The following PITPNC1 variants were observed in gnomAD, a reference collection of about 807,000 sequenced individuals.
PITPNC1 encodes the protein phosphatidylinositol transfer protein cytoplasmic 1, also known as cytoplasmic phosphatidylinositol transfer protein 1.
PITPNC1 carries 18 observed loss-of-function variants against 44.7 expected under a neutral mutation model. The observed-to-expected ratio is 0.40, with a 90% CI of 0.28 to 0.60. PITPNC1 has a LOEUF of 0.60. Among genes scored for constraint, PITPNC1 ranks in the 20% least tolerant of loss-of-function variants. PITPNC1 has a pLI of 0.39. For missense variants in PITPNC1, 290 were observed against 418.4 expected, an observed-to-expected ratio of 0.69 and a Z score of 2.68; for synonymous variants, 141 against 149.6, an observed-to-expected ratio of 0.94 and a Z score of 0.42.
At chr17:67,668,646 G>A (rs1159325469) in intron 6 of PITPNC1, among the ~76,000 whole-genome samples, 8 of 152,060 alleles carry the variant, frequency 5.3e-5, no homozygotes, top group East Asian at 3.9e-4. Context: ...GGCAGATCAC[G>A]AGGTCAGGAG....
intron 1 of PITPNC1, among the ~76,000 whole-genome samples, chr17:67,417,496 A>G (rs970210042): frequency 6.6e-6 from 1 of 152,100 alleles, no homozygotes; most frequent in Non-Finnish European, 1.5e-5. Context: ...GGCAGAGGTA[A>G]TTTAACCTAC....
At chr17:67,380,678 C>T (rs550080268) in intron 1 of PITPNC1, among the ~76,000 whole-genome samples, 1 of 152,172 alleles carries the variant, frequency 6.6e-6, no homozygotes, top group Non-Finnish European at 1.5e-5. Flanking sequence ...CAGTCTCCAC[C>T]ATCCCCTTTT....
intron 1 of PITPNC1, among the ~76,000 whole-genome samples, chr17:67,409,374 G>A (rs1275040672): frequency 1.3e-5 from 2 of 151,916 alleles, no homozygotes; most frequent in Non-Finnish European, 2.9e-5. Flanking sequence ...GTGAGCCACC[G>A]CGCCCGGCCC....
At chr17:67,408,965 T>G (rs1051234488) in intron 1 of PITPNC1, 2 of 152,072 alleles carry the variant, frequency 1.3e-5, no homozygotes, top group African/African-American at 4.8e-5. Flanking sequence ...GATTTATGCC[T>G]ATGTTTTCTT....
intron 2 of PITPNC1, among the ~76,000 whole-genome samples, chr17:67,551,438 A>G (rs898440865): frequency 6.6e-6 from 1 of 152,172 alleles, no homozygotes; most frequent in African/African-American, 2.4e-5. Flanking sequence ...GGAAACTGAG[A>G]GAGAATCTGT....
At chr17:67,554,601 G>A (rs2040811206) in intron 4 of PITPNC1, among the ~76,000 whole-genome samples, 1 of 152,108 alleles carries the variant, frequency 6.6e-6, no homozygotes, top group Non-Finnish European at 1.5e-5. Flanking sequence ...TGAGTTTTTG[G>A]GTTCAATCCA....
chr17:67,662,702 C>A (rs969781798), intron 6 of PITPNC1, among the ~76,000 whole-genome samples: 1 of 152,192 alleles, frequency 6.6e-6, no homozygotes, highest in African/African-American at 2.4e-5. Context: ...TGGTGGTTGG[C>A]TTCTTCTACT....
intron 1 of PITPNC1, among the ~76,000 whole-genome samples, chr17:67,522,970 C>A (rs1265156675): frequency 2.6e-5 from 4 of 152,048 alleles, no homozygotes; most frequent in Admixed American, 2.0e-4. Context: ...ATGCCTGGCC[C>A]ACTGTAACCA....
Position 67,649,720 on chromosome 17 carries a change from A to AT in PITPNC1, c.462+17490dup, listed in dbSNP as rs199744986. Among the ~76,000 whole-genome samples the AT allele has an allele frequency of 5.7e-3, 863 of 151,794 alleles. 2 individuals carry two copies. Among genetic ancestry groups the AT allele is most frequent in the African/African-American group, 0.019 (793 of 41,386 alleles). ...GCCAACAGAGTGAGACTCCATCTCTATTTTTTTTACTAAAAAAAATTTTTT... is the reference window on the plus strand; with the variant it reads ...GCCAACAGAGTGAGACTCCATCTCTATTTTTTTTTACTAAAAAAAATTTTTT... On this transcript the variant is annotated intron_variant, in intron 6 of 8. Transcript: ENST00000581322.
intron 4 of PITPNC1, among the ~76,000 whole-genome samples, chr17:67,568,627 A>G (rs1188738022): frequency 1.3e-5 from 2 of 151,990 alleles, no homozygotes; most frequent in South Asian, 4.2e-4. Flanking sequence ...CCTGGGCTCA[A>G]GTGATCCTCC....
intron 5 of PITPNC1, among the ~76,000 whole-genome samples, chr17:67,599,034 A>ATATATATATATATT (rs1461493250): frequency 8.4e-5 from 3 of 35,676 alleles, no homozygotes; most frequent in Admixed American, 3.9e-4. Context: ...ATATATATAT[A>ATATATATATATATT]TTTTTTTTTT....
intron 1 of PITPNC1, among the ~76,000 whole-genome samples, chr17:67,514,524 A>C (rs1467532312): frequency 1.3e-5 from 2 of 151,408 alleles, no homozygotes; most frequent in Non-Finnish European, 2.9e-5. Flanking sequence ...ATAACTGATC[A>C]ACTGTGAAAG....
intron 7 of PITPNC1, among the ~76,000 whole-genome samples, chr17:67,671,752 C>A (rs919490476): frequency 2.6e-5 from 4 of 152,134 alleles, no homozygotes; most frequent in Non-Finnish European, 5.9e-5. Context: ...CTGTTTTCCT[C>A]CTGTGTCCTG....
intron 2 of PITPNC1, among the ~76,000 whole-genome samples, chr17:67,545,655 C>T (rs1007785450): frequency 6.6e-6 from 1 of 152,050 alleles, no homozygotes; most frequent in African/African-American, 2.4e-5. Flanking sequence ...ATATAAGCTG[C>T]TGCCCATGCT....
At chr17:67,607,913 A>G (rs1568063384) in intron 5 of PITPNC1, among the ~76,000 whole-genome samples, 1 of 151,972 alleles carries the variant, frequency 6.6e-6, no homozygotes, top group Non-Finnish European at 1.5e-5. Context: ...TATTTTTAGT[A>G]GAGATGGGGT....
chr17:67,647,883 T>C (rs1394838735), intron 6 of PITPNC1, among the ~76,000 whole-genome samples: 1 of 152,122 alleles, frequency 6.6e-6, no homozygotes. Context: ...CCGGGCATGG[T>C]AAACAGTGAA....
rs1317253378 is a variant in PITPNC1, at chr17:67,508,681, G to C, written c.49-24121G>C. ...GAGTTGCTCTGGTTCAAATGCCTCTGACAAAAAGACAAATACTTAGCTGAG... is the reference window on the plus strand; with the variant it reads ...GAGTTGCTCTGGTTCAAATGCCTCTCACAAAAAGACAAATACTTAGCTGAG... On this transcript the variant is annotated intron_variant, in intron 1 of 8. Coordinates refer to ENST00000581322, the MANE Select transcript of PITPNC1 (RefSeq NM_012417.4). The surrounding 1 kb of genome is among the most constrained non-coding windows in gnomAD (Gnocchi z 4.2). 2.0e-5 allele frequency among the ~76,000 whole-genome samples: 3 copies of C among 152,108 alleles called. No individual in the cohort carries two copies. The highest frequency in any genetic ancestry group is 4.4e-5 in the Non-Finnish European group (3 of 68,020).
intron 4 of PITPNC1, among the ~76,000 whole-genome samples, chr17:67,553,880 G>A (rs543917118): frequency 6.6e-6 from 1 of 152,274 alleles, no homozygotes; most frequent in East Asian, 1.9e-4. Context: ...TTTTTAAATA[G>A]CTTGACTGCT....
intron 1 of PITPNC1, among the ~76,000 whole-genome samples, chr17:67,438,683 T>C (rs2038970727): frequency 6.6e-6 from 1 of 152,226 alleles, no homozygotes; most frequent in Non-Finnish European, 1.5e-5. Context: ...CCATCCAGTT[T>C]TCTGGACTCA....
Sources: gnomAD v4.1 joint callset for allele counts (sites outside exome capture counted in the v4.1 genomes callset) on GRCh38, gnomAD v4.1.1 for gene constraint, Gnocchi (gnomAD v3.1) non-coding constraint, MANE v1.5 for transcripts, NCBI Gene and HGNC (gene_info 2026-07-23, HGNC 2026-07-21) for gene names.